Variants in GREM2 observed in about 807,000 individuals in gnomAD.
The protein encoded by GREM2 is gremlin 2, DAN family BMP antagonist.
GREM2 carries 11 observed loss-of-function variants against 14.2 expected under a neutral mutation model. That is an observed-to-expected ratio of 0.78 (90% CI 0.49 to 1.28). The LOEUF (loss-of-function observed/expected upper bound fraction) is 1.28. Ranked by LOEUF, GREM2 falls within the 50% of genes most tolerant of loss-of-function variation. GREM2 has a pLI of 0.00. For missense variants in GREM2, 210 were observed against 218.5 expected, an observed-to-expected ratio of 0.96 and a Z score of 0.24; for synonymous variants, 98 against 97.6, an observed-to-expected ratio of 1.00 and a Z score of -0.02.
chr1:240,518,462 C>T (rs1677997240), intron 1 of GREM2, among the ~76,000 whole-genome samples: 1 of 152,098 alleles, frequency 6.6e-6, no homozygotes, highest in African/African-American at 2.4e-5. Context: ...AATGTACTTG[C>T]TTTTTCTTTA....
At chr1:240,591,039 C>T (rs551837006) in intron 1 of GREM2, among the ~76,000 whole-genome samples, 10 of 151,926 alleles carry the variant, frequency 6.6e-5, no homozygotes, top group South Asian at 2.1e-4. Flanking sequence ...CTTGGCCTCC[C>T]GAAGTGCTGG....
chr1:240,581,620 T>C (rs72752875), intron 1 of GREM2, among the ~76,000 whole-genome samples: 4,038 of 152,332 alleles, frequency 0.027, 76 homozygotes, highest in Middle Eastern at 0.054. Context: ...AGTAATTATT[T>C]TTCTGAATTG....
chr1:240,522,120 CA>C lies in GREM2; in HGVS notation c.-1-28645del, dbSNP rs34438696. 5.6e-3 allele frequency among the ~76,000 whole-genome samples: 397 copies of C among 70,878 alleles called. 2 individuals carry two copies. Among genetic ancestry groups the C allele is most frequent in the African/African-American group, 0.011 (245 of 22,558 alleles). 46.5% of individuals were successfully genotyped at this position (70,878 alleles called of 152,430 possible). On this transcript the variant is annotated intron_variant, in intron 1 of 1. Transcript: ENST00000318160. The stretch of plus-strand genomic sequence containing the variant: ...GGATGACAGAGCAAAACCCTGTCTC[CA>C]AAAAAAAAAAAAAACAAAAACAAAC...
intron 1 of GREM2, among the ~76,000 whole-genome samples, chr1:240,509,340 C>T (rs1301751239): frequency 6.7e-6 from 1 of 150,068 alleles, no homozygotes; most frequent in Non-Finnish European, 1.5e-5. Flanking sequence ...CAGAGGCTTG[C>T]CCAGGAGCCA....
rs576802452 is a variant in GREM2, at chr1:240,513,523, C to T, written c.-1-20047G>A. 3.5e-5 allele frequency among the ~76,000 whole-genome samples: 5 copies of T among 144,664 alleles called. No individual in the cohort carries two copies. In the Admixed American group the frequency reaches 3.6e-4, roughly 10 times the overall value. 94.9% of individuals were successfully genotyped at this position (144,664 alleles called of 152,430 possible). A position where few individuals can be genotyped will look rare whatever the true frequency, so the allele number is the denominator to read the frequency against. On this transcript the variant is annotated intron_variant, in intron 1 of 1. Transcript: ENST00000318160. Reference sequence around the variant, plus strand: ...CTGGGAGACAGAGGTTGCAGTGAGCCGAGATCACACCATTGCACTCCAGCC... The same window carrying T: ...CTGGGAGACAGAGGTTGCAGTGAGCTGAGATCACACCATTGCACTCCAGCC...
intron 1 of GREM2, among the ~76,000 whole-genome samples, chr1:240,544,758 C>T (rs557051097): frequency 6.6e-6 from 1 of 152,224 alleles, no homozygotes; most frequent in Admixed American, 6.5e-5. Flanking sequence ...ACTGCTACTA[C>T]TCTGTTCCCT....
chr1:240,538,686 C>T (rs925024353), intron 1 of GREM2, among the ~76,000 whole-genome samples: 17 of 152,132 alleles, frequency 1.1e-4, no homozygotes, highest in African/African-American at 3.6e-4. Context: ...CCACTCACTA[C>T]CCTCCAGCCT....
chr1:240,596,083 A>G (rs773150231), intron 1 of GREM2, among the ~76,000 whole-genome samples: 1 of 152,178 alleles, frequency 6.6e-6, no homozygotes, highest in African/African-American at 2.4e-5. Flanking sequence ...TACTCCAAAT[A>G]AGTGTTCTGC....
intron 1 of GREM2, among the ~76,000 whole-genome samples, chr1:240,606,516 A>G (rs1680028041): frequency 6.6e-6 from 1 of 152,130 alleles, no homozygotes; most frequent in African/African-American, 2.4e-5. Context: ...GGTCTTTCCT[A>G]CTAGTATTGA....
At chr1:240,591,941 A>G (rs759400546) in intron 1 of GREM2, among the ~76,000 whole-genome samples, 1 of 152,184 alleles carries the variant, frequency 6.6e-6, no homozygotes, top group Non-Finnish European at 1.5e-5. Context: ...AAAGGTTTGA[A>G]TAGGTTTTTC....
intron 1 of GREM2, among the ~76,000 whole-genome samples, chr1:240,573,757 G>C (rs901311670): frequency 6.6e-6 from 1 of 152,126 alleles, no homozygotes; most frequent in Non-Finnish European, 1.5e-5. Context: ...AGTGACTGTG[G>C]AATCTAACAG....
At chr1:240,607,527 A>G (rs12123578) in intron 1 of GREM2, among the ~76,000 whole-genome samples, 10,964 of 152,278 alleles carry the variant, frequency 0.072, 402 homozygotes, top group Non-Finnish European at 0.084. Context: ...GTTTGAAGAC[A>G]CATATTTCTG....
chr1:240,518,767 A>G (rs948333417), intron 1 of GREM2, among the ~76,000 whole-genome samples: 3 of 152,256 alleles, frequency 2.0e-5, no homozygotes, highest in Non-Finnish European at 4.4e-5. Context: ...GCCATTGGTC[A>G]AAAGAGGCTT....
intron 1 of GREM2, among the ~76,000 whole-genome samples, chr1:240,572,304 T>G (rs1389046188): frequency 2.0e-5 from 3 of 152,238 alleles, no homozygotes; most frequent in Non-Finnish European, 4.4e-5. Context: ...TTTAATCCAC[T>G]GGTGTGTTCC....
At chr1:240,592,324 A>G (rs1162719032) in intron 1 of GREM2, among the ~76,000 whole-genome samples, 33 of 152,184 alleles carry the variant, frequency 2.2e-4, no homozygotes, top group African/African-American at 2.4e-5. Flanking sequence ...GTGCCAGTGG[A>G]CACAACGAGA....
At chr1:240,512,623 G>A (rs1412380064) in intron 1 of GREM2, among the ~76,000 whole-genome samples, 1 of 130,454 alleles carries the variant, frequency 7.7e-6, no homozygotes, top group African/African-American at 3.0e-5. Flanking sequence ...TTACTTCCCT[G>A]ACGCATTGAT....
intron 1 of GREM2, among the ~76,000 whole-genome samples, chr1:240,539,614 T>G (rs1412919747): frequency 6.6e-6 from 1 of 152,214 alleles, no homozygotes; most frequent in Non-Finnish European, 1.5e-5. Flanking sequence ...AGCCTCGAAA[T>G]AACGTATCCA....
chr1:240,560,565 G>A (rs537778117), intron 1 of GREM2, among the ~76,000 whole-genome samples: 1 of 152,266 alleles, frequency 6.6e-6, no homozygotes, highest in African/African-American at 2.4e-5. Flanking sequence ...TTATTTGAGT[G>A]GGGAAGACAG....
intron 1 of GREM2, among the ~76,000 whole-genome samples, chr1:240,495,856 G>C (rs1031226469): frequency 6.6e-6 from 1 of 152,160 alleles, no homozygotes; most frequent in Non-Finnish European, 1.5e-5. Context: ...AGTATCCATG[G>C]AACGTTTATT....
Sources: allele counts gnomAD v4.1 joint callset (sites outside exome capture counted in the v4.1 genomes callset), GRCh38; gene constraint gnomAD v4.1.1; transcripts MANE v1.5; gene names NCBI Gene and HGNC (gene_info 2026-07-23, HGNC 2026-07-21).